The following CTNNA3 variants were observed in gnomAD, a reference collection of about 807,000 sequenced individuals.
CTNNA3 encodes the protein catenin alpha-3.
In CTNNA3, 76 loss-of-function variants were observed where a neutral mutation model predicts 95.7. The observed-to-expected ratio is 0.79, with a 90% CI of 0.66 to 0.96. The LOEUF is 0.96. Ranked by LOEUF, CTNNA3 falls within the 40% of genes least tolerant of loss-of-function variation. CTNNA3 has a pLI of 0.00. For missense variants in CTNNA3, 1,191 were observed against 1,089.8 expected (o/e 1.09, Z -1.31); for synonymous variants, 431 against 374.4 (o/e 1.15, Z -1.74).
chr10:67,616,383 T>C (rs1288246112), intron 2 of CTNNA3, among the ~76,000 whole-genome samples: 2 of 152,178 alleles, frequency 1.3e-5, no homozygotes, highest in Non-Finnish European at 2.9e-5. Context: ...GACAGCTCTA[T>C]GCAAAACAGA....
In CTNNA3 at chr10:67,290,246, T is replaced by G. The variant is rs551211238; in HGVS notation, c.580-70376A>C. Among the ~76,000 whole-genome samples the G allele has an allele frequency of 3.2e-4, 48 of 152,276 alleles. No individual in the cohort carries two copies. The South Asian group carries it at 7.3e-3, about 23-fold the overall frequency. ...CCTGCTTTTTTTATTTTATTTTGGTTTATTGGAGACCTGCACAACTTGTGT... is the reference window on the plus strand; with the variant it reads ...CCTGCTTTTTTTATTTTATTTTGGTGTATTGGAGACCTGCACAACTTGTGT... On this transcript the variant is annotated intron_variant, in intron 5 of 17. Coordinates refer to ENST00000433211, the MANE Select transcript of CTNNA3 (RefSeq NM_013266.4).
At chr10:66,928,049 C>T in intron 7 of CTNNA3, 1 of 1,614,044 alleles carries the variant, frequency 6.2e-7, no homozygotes, top group African/African-American at 1.3e-5. Context: ...CTCCCAAAGC[C>T]GACGTTTAAG....
At chr10:66,794,520 C>T (rs1841113982) in intron 7 of CTNNA3, among the ~76,000 whole-genome samples, 3 of 152,104 alleles carry the variant, frequency 2.0e-5, no homozygotes, top group Admixed American at 2.0e-4. Flanking sequence ...CTAAAAAATG[C>T]TAACAGCCAT....
At chr10:66,773,446 T>C (rs961968927) in intron 8 of CTNNA3, among the ~76,000 whole-genome samples, 6 of 152,168 alleles carry the variant, frequency 3.9e-5, no homozygotes, top group Non-Finnish European at 7.4e-5. Context: ...CTGCTAGAGA[T>C]TGAAGCCACA....
In CTNNA3 at chr10:67,175,089, A is replaced by G. The variant is rs1325685197; in HGVS notation, c.1047+5228T>C. Among the ~76,000 whole-genome samples, 43 of 43,844 alleles carry G rather than the reference A, an allele frequency of 9.8e-4. 1 individual carries two copies. The highest frequency in any genetic ancestry group is 1.6e-3 in the Admixed American group (7 of 4,306). The allele number at this position is 43,844 out of a possible 152,430, so 28.8% of individuals were successfully genotyped here. ...TCCATGCCAAAAAAAAAAAAAAAGA[A>G]AGGAAGGGAGGGAGGAAGGGCAAGA... On this transcript the variant is annotated intron_variant, in intron 7 of 17. Coordinates refer to ENST00000433211, the MANE Select transcript of CTNNA3 (RefSeq NM_013266.4).
At chr10:66,722,100 C>T (rs939143194) in intron 9 of CTNNA3, among the ~76,000 whole-genome samples, 2 of 152,066 alleles carry the variant, frequency 1.3e-5, no homozygotes, top group Non-Finnish European at 2.9e-5. Context: ...TGCTAAAGGC[C>T]GGGTGCGGTG....
chr10:67,199,145 AAAG>A (rs1249991710), intron 6 of CTNNA3, among the ~76,000 whole-genome samples: 1 of 152,150 alleles, frequency 6.6e-6, no homozygotes, highest in African/African-American at 2.4e-5. Context: ...AGTGACAAAA[AAAG>A]AAAGTGAAAG....
rs1051396824 is a variant in CTNNA3, at chr10:65,919,631, G to T, written c.*699C>A. On this transcript the variant is annotated 3_prime_UTR_variant, in exon 18 of 18. Coordinates refer to ENST00000433211, the MANE Select transcript of CTNNA3 (RefSeq NM_013266.4). ...CTAACACATTGGAAACCCAAAAGGT[G>T]AGTATGTGGCATCAGAACTCATTGT... 1.3e-5 allele frequency: 2 copies of T among 152,204 alleles called. No individual in the cohort carries two copies. The highest frequency in any genetic ancestry group is 6.5e-5 in the Admixed American group (1 of 15,280). 9.4% of individuals were successfully genotyped at this position (152,204 alleles called of 1,614,324 possible). A position where few individuals can be genotyped will look rare whatever the true frequency, so the allele number is the denominator to read the frequency against.
intron 14 of CTNNA3, among the ~76,000 whole-genome samples, chr10:66,093,638 A>C (rs2081290180): frequency 6.6e-6 from 1 of 152,100 alleles, no homozygotes; most frequent in African/African-American, 2.4e-5. Flanking sequence ...TGGCGTAGTG[A>C]AGGACTTCGG....
intron 13 of CTNNA3, among the ~76,000 whole-genome samples, chr10:66,176,744 T>C (rs1254920112): frequency 2.0e-5 from 3 of 152,012 alleles, no homozygotes; most frequent in South Asian, 4.1e-4. Flanking sequence ...AGAACCTCAC[T>C]AGACACCAAA....
intron 3 of CTNNA3, among the ~76,000 whole-genome samples, chr10:67,552,056 T>A (rs973317271): frequency 2.6e-5 from 4 of 152,192 alleles, no homozygotes; most frequent in African/African-American, 7.2e-5. Flanking sequence ...GAATATTTGA[T>A]GAGGAAGATA....
intron 7 of CTNNA3, among the ~76,000 whole-genome samples, chr10:66,970,689 A>T (rs989823674): frequency 6.6e-6 from 1 of 152,188 alleles, no homozygotes; most frequent in African/African-American, 2.4e-5. Flanking sequence ...CTATTTTCAC[A>T]TAGCCCCAAA....
At chr10:66,617,692 T>C (rs553690752) in intron 10 of CTNNA3, among the ~76,000 whole-genome samples, 47 of 152,210 alleles carry the variant, frequency 3.1e-4, no homozygotes, top group African/African-American at 1.1e-3. Flanking sequence ...TTCAACATAG[T>C]GTTGGAAGTT....
chr10:66,685,216 T>TACAC (rs1343881305), intron 9 of CTNNA3, among the ~76,000 whole-genome samples: 1 of 141,908 alleles, frequency 7.0e-6, no homozygotes, highest in Admixed American at 7.2e-5. Flanking sequence ...CGTATATATA[T>TACAC]GTGTATATAT....
rs567511227 is a variant in CTNNA3, at chr10:66,498,614, C to T, written c.1531+22003G>A. On this transcript the variant is annotated intron_variant, in intron 11 of 17. Coordinates refer to ENST00000433211, the MANE Select transcript of CTNNA3 (RefSeq NM_013266.4). Reference sequence around the variant, plus strand: ...GAATTACAAAATGAAATTTAAAACACATCAGATTTTACATTAGGTAATAAA... The same window carrying T: ...GAATTACAAAATGAAATTTAAAACATATCAGATTTTACATTAGGTAATAAA... Among the ~76,000 whole-genome samples the T allele has an allele frequency of 9.2e-5, 14 of 152,234 alleles. 1 individual carries two copies. Among genetic ancestry groups the T allele is most frequent in the African/African-American group, 3.4e-4 (14 of 41,556 alleles).
At chr10:66,281,821 C>T (rs2132162713) in intron 12 of CTNNA3, among the ~76,000 whole-genome samples, 1 of 151,714 alleles carries the variant, frequency 6.6e-6, no homozygotes, top group South Asian at 2.1e-4. Context: ...TTATCTGGTC[C>T]TTTCTTTCCT....
At position 67,004,022 on chromosome 10, in the gene CTNNA3, A is replaced by G. The variant is rs191216865; in HGVS notation, c.1047+176295T>C. ...CAATTACAAATATTGAGTGGAGGTA[A>G]TATTTGTGGACATTGAATCAAACCA... On this transcript the variant is annotated intron_variant, in intron 7 of 17. Coordinates refer to ENST00000433211, the MANE Select transcript of CTNNA3 (RefSeq NM_013266.4). Among the ~76,000 whole-genome samples, 61 of 152,212 alleles carry G rather than the reference A, an allele frequency of 4.0e-4. 1 individual carries two copies. The East Asian group carries it at 0.012, about 29-fold the overall frequency.
chr10:65,925,582 G>T (rs1176188216), intron 17 of CTNNA3, among the ~76,000 whole-genome samples: 3 of 152,076 alleles, frequency 2.0e-5, no homozygotes, highest in African/African-American at 4.8e-5. Context: ...CATTACAGGT[G>T]CATGCCACCA....
chr10:67,116,826 A>T (rs919382480), intron 7 of CTNNA3, among the ~76,000 whole-genome samples: 1 of 150,984 alleles, frequency 6.6e-6, no homozygotes, highest in Non-Finnish European at 1.5e-5. Context: ...TAAAAATTCT[A>T]TAGCTTTACT....
Sources: allele counts gnomAD v4.1 joint callset (sites outside exome capture counted in the v4.1 genomes callset), GRCh38; gene constraint gnomAD v4.1.1; transcripts MANE v1.5; gene names NCBI Gene and HGNC (gene_info 2026-07-23, HGNC 2026-07-21).